ADAMTS12: variants seen among roughly 807,000 people sequenced by gnomAD.
ADAMTS12 encodes the protein ADAM metallopeptidase with thrombospondin type 1 motif 12.
ADAMTS12 carries 118 observed loss-of-function variants against 167.8 expected under a neutral mutation model. The ratio of observed to expected loss-of-function variants is 0.70; its 90% CI spans 0.61 to 0.82. The LOEUF (loss-of-function observed/expected upper bound fraction) is 0.82, where lower values mean the gene tolerates loss of function less well. ADAMTS12 is among the 40% of genes least tolerant of loss of function. The probability of loss-of-function intolerance (pLI) is 0.00; values close to 1 mark genes in which losing one functional copy is unlikely to be tolerated. For synonymous variants in ADAMTS12, 704 were observed against 716.9 expected (o/e 0.98, Z 0.29); for missense variants, 1,916 against 1,998.8 (o/e 0.96, Z 0.79).
rs1443576022 is a variant in ADAMTS12, at chr5:33,883,340, TTG to T, written c.128-1862_128-1861del. ...GGTTTTTTTTTTGTTTTTTTTTTTT[TTG>T]TTTTTTTTTTTTCCAGGCAACTACC... On this transcript the variant is annotated intron_variant, in intron 1 of 23. Transcript: ENST00000504830. Among the ~76,000 whole-genome samples the T allele has an allele frequency of 3.2e-3, 375 of 116,714 alleles. 5 individuals carry two copies. The highest frequency in any genetic ancestry group is 0.012 in the African/African-American group (358 of 30,412). The allele number at this position is 116,714 out of a possible 152,430, so 76.6% of individuals were successfully genotyped here. A position where few individuals can be genotyped will look rare whatever the true frequency, so the allele number is the denominator to read the frequency against.
At chr5:33,885,640 T>C (rs1322795540) in intron 1 of ADAMTS12, among the ~76,000 whole-genome samples, 5 of 152,198 alleles carry the variant, frequency 3.3e-5, no homozygotes, top group Admixed American at 6.5e-5. Context: ...TGCCCCATGA[T>C]ACAAGGCAGT....
intron 1 of ADAMTS12, among the ~76,000 whole-genome samples, chr5:33,882,410 A>G (rs555485430): frequency 6.6e-5 from 10 of 152,336 alleles, no homozygotes; most frequent in African/African-American, 2.4e-4. Context: ...TAAAAATGCA[A>G]GACTGGAACC....
intron 18 of ADAMTS12, among the ~76,000 whole-genome samples, chr5:33,580,686 T>C (rs1747018741): frequency 6.6e-6 from 1 of 152,140 alleles, no homozygotes; most frequent in African/African-American, 2.4e-5. Flanking sequence ...GCCTGCTCAA[T>C]CTTAAAACCC....
In ADAMTS12 at chr5:33,702,983, C is replaced by T. The variant is rs116013020; in HGVS notation, c.635-18928G>A. On this transcript the variant is annotated intron_variant, in intron 3 of 23. Coordinates refer to ENST00000504830, the MANE Select transcript of ADAMTS12 (RefSeq NM_030955.4). Reference sequence around the variant, plus strand: ...ACTGGATTCCTACAACCTGTTCATCCACAGGTGGGGAGCACCTTGATGATA... The same window carrying T: ...ACTGGATTCCTACAACCTGTTCATCTACAGGTGGGGAGCACCTTGATGATA... Among the ~76,000 whole-genome samples, 816 of 152,264 alleles carry T rather than the reference C, an allele frequency of 5.4e-3. 4 individuals are homozygous for T. Among genetic ancestry groups the T allele is most frequent in the African/African-American group, 0.019 (783 of 41,540 alleles).
At chr5:33,530,846 G>A (rs1744060727) in intron 23 of ADAMTS12, among the ~76,000 whole-genome samples, 1 of 152,192 alleles carries the variant, frequency 6.6e-6, no homozygotes, top group Non-Finnish European at 1.5e-5. Context: ...CCCCCCAAAG[G>A]TTGTGGGTTG....
At chr5:33,823,573 AC>A (rs1422752385) in intron 2 of ADAMTS12, among the ~76,000 whole-genome samples, 4 of 151,516 alleles carry the variant, frequency 2.6e-5, no homozygotes, top group African/African-American at 9.7e-5. Context: ...GACGGGACTC[AC>A]CCTGTAGGGA....
At chr5:33,637,061 A>G (rs181515831) in intron 12 of ADAMTS12, among the ~76,000 whole-genome samples, 2 of 151,464 alleles carry the variant, frequency 1.3e-5, no homozygotes, top group East Asian at 3.9e-4. Context: ...CTGTTATTCT[A>G]CTCCCACTTG....
At chr5:33,587,804 C>T (rs1747430851) in intron 18 of ADAMTS12, among the ~76,000 whole-genome samples, 1 of 152,174 alleles carries the variant, frequency 6.6e-6, no homozygotes, top group Admixed American at 6.5e-5. Context: ...AGTCAGCATC[C>T]ATCTCTAAAC....
intron 3 of ADAMTS12, among the ~76,000 whole-genome samples, chr5:33,715,089 C>CAATA (rs974050624): frequency 6.6e-6 from 1 of 151,786 alleles, no homozygotes; most frequent in Admixed American, 6.6e-5. Flanking sequence ...TATTATGTAA[C>CAATA]AATAAATAAA....
intron 3 of ADAMTS12, among the ~76,000 whole-genome samples, chr5:33,717,430 T>G (rs561142360): frequency 6.6e-6 from 1 of 152,274 alleles, no homozygotes; most frequent in East Asian, 1.9e-4. Context: ...TTGCATATAT[T>G]AATTCATTTA....
chr5:33,833,059 A>C (rs545306030), intron 2 of ADAMTS12, among the ~76,000 whole-genome samples: 25 of 152,344 alleles, frequency 1.6e-4, no homozygotes, highest in African/African-American at 5.8e-4. Context: ...ATAAGTCACC[A>C]TGAAATAAAA....
chr5:33,774,471 G>A (rs1158186685), intron 2 of ADAMTS12, among the ~76,000 whole-genome samples: 3 of 152,116 alleles, frequency 2.0e-5, no homozygotes, highest in Admixed American at 6.5e-5. Flanking sequence ...AAGGATGAAA[G>A]CATGCCCTTT....
At chr5:33,775,888 G>A (rs532720521) in intron 2 of ADAMTS12, among the ~76,000 whole-genome samples, 181 of 152,302 alleles carry the variant, frequency 1.2e-3, no homozygotes, top group Non-Finnish European at 2.4e-3. Flanking sequence ...CAGAGCCCTC[G>A]TGAAGGGATT....
intron 19 of ADAMTS12, among the ~76,000 whole-genome samples, chr5:33,562,871 A>G (rs1185153960): frequency 1.3e-5 from 2 of 152,068 alleles, no homozygotes; most frequent in Non-Finnish European, 2.9e-5. Flanking sequence ...ACCTCAGGTG[A>G]TCTGCCCTCC....
At chr5:33,572,597 C>G (rs1299710625) in intron 19 of ADAMTS12, among the ~76,000 whole-genome samples, 3 of 135,970 alleles carry the variant, frequency 2.2e-5, no homozygotes, top group Non-Finnish European at 4.7e-5. Flanking sequence ...TGGGACGTAT[C>G]TCAAAATAAT....
intron 1 of ADAMTS12, among the ~76,000 whole-genome samples, chr5:33,883,482 C>T (rs75007744): frequency 0.016 from 2,463 of 151,876 alleles, 60 homozygotes; most frequent in African/African-American, 0.057. Context: ...GTAAAAAGCC[C>T]GGACCCATTA....
intron 9 of ADAMTS12, among the ~76,000 whole-genome samples, chr5:33,647,334 G>A (rs1279939866): frequency 6.6e-6 from 1 of 152,040 alleles, no homozygotes; most frequent in East Asian, 1.9e-4. Context: ...CATTTATAAA[G>A]GTTACTTAGG....
At chr5:33,683,775 A>C in intron 4 of ADAMTS12, 84 bp downstream of exon 4, 2 of 1,073,358 alleles carry the variant, frequency 1.9e-6, no homozygotes, top group Non-Finnish European at 2.5e-6. Flanking sequence ...AGGACCCCAA[A>C]AAGGCCTTTC....
Position 33,637,755 on chromosome 5 carries a change from G to A in ADAMTS12, c.1719-9C>T, listed in dbSNP as rs376077585. 1.9e-6 allele frequency: 3 copies of A among 1,611,392 alleles called. No homozygotes were observed. Among genetic ancestry groups the A allele is most frequent in the Non-Finnish European group, 2.5e-6 (3 of 1,178,590 alleles). On this transcript the variant is annotated splice_polypyrimidine_tract_variant and intron_variant, in intron 11 of 23. Transcript: ENST00000504830. ...TCCCTCCAAACTTTGGCCTGCAAAT[G>A]AAACAGACAAGCTTTTCTTTTAGTT...
Sources: gnomAD v4.1 joint callset for allele counts (sites outside exome capture counted in the v4.1 genomes callset) on GRCh38, gnomAD v4.1.1 for gene constraint, MANE v1.5 for transcripts, NCBI Gene and HGNC (gene_info 2026-07-23, HGNC 2026-07-21) for gene names.